The following KHDRBS3 variants were observed in gnomAD, a reference collection of about 807,000 sequenced individuals.
KHDRBS3 encodes KH RNA binding domain containing, signal transduction associated 3.
Under a neutral mutation model 45.6 loss-of-function variants are expected in KHDRBS3, and 23 were observed. The ratio of observed to expected loss-of-function variants is 0.50; its 90% CI spans 0.36 to 0.72. The LOEUF (loss-of-function observed/expected upper bound fraction) is 0.72. KHDRBS3 is among the 30% of genes least tolerant of loss of function. KHDRBS3 has a pLI of 0.00. For missense variants in KHDRBS3, 352 were observed against 424.8 expected (o/e 0.83, Z 1.51); for synonymous variants, 162 against 156.5 (o/e 1.04, Z -0.26).
At chr8:135,478,209 G>C (rs1270183548) in intron 1 of KHDRBS3, among the ~76,000 whole-genome samples, 4 of 152,308 alleles carry the variant, frequency 2.6e-5, no homozygotes, top group Non-Finnish European at 5.9e-5. Context: ...GCCTCTAGAA[G>C]GAATGCTGCC....
At chr8:135,575,137 C>T (rs1223144917) in intron 5 of KHDRBS3, among the ~76,000 whole-genome samples, 1 of 152,178 alleles carries the variant, frequency 6.6e-6, no homozygotes, top group East Asian at 1.9e-4. Context: ...TTACAATAGT[C>T]ATTAAAGGTT....
rs1438628189 is a variant in KHDRBS3 at position 135,548,290 on chromosome 8, T to C, written c.325-464T>C. Among the ~76,000 whole-genome samples the C allele has an allele frequency of 2.0e-5, 3 of 152,266 alleles. No homozygotes were observed. In the East Asian group the frequency reaches 5.8e-4, roughly 29 times the overall value. On this transcript the variant is annotated intron_variant, in intron 3 of 8. Transcript: ENST00000355849. ...ACTAAGAGAAGATAGAAAATAGACA[T>C]GTTTTTAAAAATAAGTTATTTCAGA... is the stretch of plus-strand genomic sequence containing the variant.
chr8:135,558,970 C>T (rs1311999057), intron 5 of KHDRBS3, among the ~76,000 whole-genome samples: 6 of 152,248 alleles, frequency 3.9e-5, no homozygotes, highest in South Asian at 4.1e-4. Flanking sequence ...TTTGTAGGCA[C>T]GTCACTTTAA....
intron 7 of KHDRBS3, among the ~76,000 whole-genome samples, chr8:135,616,491 T>G (rs1275462525): frequency 6.6e-6 from 1 of 152,206 alleles, no homozygotes; most frequent in Non-Finnish European, 1.5e-5. Flanking sequence ...TGAGACTACA[T>G]GAGATTTATC....
intron 5 of KHDRBS3, among the ~76,000 whole-genome samples, chr8:135,574,006 G>A (rs960947068): frequency 6.6e-6 from 1 of 152,148 alleles, no homozygotes; most frequent in Admixed American, 6.5e-5. Context: ...TTTAAAAAAA[G>A]TGTCATTGAT....
At chr8:135,467,822 A>G (rs1821776817) in intron 1 of KHDRBS3, among the ~76,000 whole-genome samples, 1 of 152,262 alleles carries the variant, frequency 6.6e-6, no homozygotes, top group Non-Finnish European at 1.5e-5. Flanking sequence ...TACTTCTGTG[A>G]GGAGATACTT....
chr8:135,488,019 G>T (rs111510305), intron 1 of KHDRBS3, among the ~76,000 whole-genome samples: 19 of 152,174 alleles, frequency 1.2e-4, no homozygotes, highest in African/African-American at 3.9e-4. Context: ...AATTGGTGCT[G>T]TGTGTGCATG....
chr8:135,562,743 C>CT (rs942686138), intron 5 of KHDRBS3, among the ~76,000 whole-genome samples: 2 of 152,162 alleles, frequency 1.3e-5, no homozygotes, highest in African/African-American at 4.8e-5. Flanking sequence ...TGAAATTATA[C>CT]TTTGAGTTGC....
chr8:135,564,026 C>T (rs899162524), intron 5 of KHDRBS3, among the ~76,000 whole-genome samples: 1 of 152,208 alleles, frequency 6.6e-6, no homozygotes, highest in Non-Finnish European at 1.5e-5. Context: ...GAACATTAGG[C>T]TAACCCAGTC....
chr8:135,609,628 T>C (rs1172291341), intron 7 of KHDRBS3, among the ~76,000 whole-genome samples: 1 of 151,432 alleles, frequency 6.6e-6, no homozygotes, highest in Admixed American at 6.6e-5. Context: ...AAGACATAAA[T>C]ACACACATTT....
At chr8:135,532,785 T>C (rs924962129) in intron 2 of KHDRBS3, among the ~76,000 whole-genome samples, 1 of 152,136 alleles carries the variant, frequency 6.6e-6, no homozygotes, top group African/African-American at 2.4e-5. Flanking sequence ...TTAAACTTTA[T>C]TAATATTTAG....
Position 135,457,743 on chromosome 8 carries a change from G to T in KHDRBS3, c.-124G>T. ...CGCCTTCCGGCCGACCGCCCGGCTT[G>T]GCCGCTGCTGCCGCGTCTGGCCCCC... On this transcript the variant is annotated 5_prime_UTR_variant, in exon 1 of 9. Transcript: ENST00000355849. This position sits in a 1 kb window ranked among gnomAD's most constrained non-coding sequence, Gnocchi z 4.4. The T allele has an allele frequency of 3.9e-6, 1 of 253,902 alleles. No individual in the cohort carries two copies. Among genetic ancestry groups the T allele is most frequent in the Non-Finnish European group, 6.6e-6 (1 of 151,278 alleles). 15.7% of individuals were successfully genotyped at this position (253,902 alleles called of 1,614,324 possible).
chr8:135,590,551 T>A (rs749673417), intron 6 of KHDRBS3, among the ~76,000 whole-genome samples: 7 of 152,336 alleles, frequency 4.6e-5, no homozygotes, highest in Admixed American at 1.3e-4. Context: ...GTTTCCACTC[T>A]CACCCTAAAG....
chr8:135,539,977 C>T (rs930381262), intron 2 of KHDRBS3: 1 of 152,112 alleles, frequency 6.6e-6, no homozygotes, highest in Non-Finnish European at 1.5e-5. Context: ...TCAGATTCTT[C>T]TGTATAAAAT....
intron 6 of KHDRBS3, 21 bp from the exon 7 acceptor site, chr8:135,606,934 A>G (rs1189675028): frequency 1.9e-6 from 3 of 1,577,054 alleles, no homozygotes; most frequent in Admixed American, 3.4e-5. Flanking sequence ...ATGTTTTTGT[A>G]CTTCTCCTGT....
chr8:135,525,029 C>G (rs1483531666), intron 2 of KHDRBS3, among the ~76,000 whole-genome samples: 1 of 152,084 alleles, frequency 6.6e-6, no homozygotes, highest in Admixed American at 6.6e-5. Context: ...TTATTTTGCA[C>G]TGGGAGTCTT....
intron 5 of KHDRBS3, among the ~76,000 whole-genome samples, chr8:135,560,618 A>T (rs1161090225): frequency 6.6e-6 from 1 of 152,164 alleles, no homozygotes; most frequent in African/African-American, 2.4e-5. Context: ...AGGAAGACAG[A>T]AGTAGTTTTT....
intron 7 of KHDRBS3, among the ~76,000 whole-genome samples, chr8:135,630,150 C>T (rs892036664): frequency 1.8e-4 from 28 of 152,188 alleles, no homozygotes; most frequent in Non-Finnish European, 3.5e-4. Context: ...CCTATGGAGT[C>T]CCACCTGAGC....
chr8:135,576,319 A>G (rs898844824), intron 5 of KHDRBS3, among the ~76,000 whole-genome samples: 2 of 152,214 alleles, frequency 1.3e-5, no homozygotes, highest in East Asian at 3.9e-4. Context: ...GAAGTGGGGA[A>G]TTACAGTTCA....
Sources: allele counts gnomAD v4.1 joint callset (sites outside exome capture counted in the v4.1 genomes callset), GRCh38; gene constraint gnomAD v4.1.1; non-coding constraint Gnocchi (gnomAD v3.1); transcripts MANE v1.5; gene names NCBI Gene and HGNC (gene_info 2026-07-23, HGNC 2026-07-21).